Variants in SLC44A5 observed in about 807,000 individuals in gnomAD.
SLC44A5 encodes the protein choline transporter-like protein 5.
A neutral mutation model predicts 101.8 loss-of-function variants in SLC44A5; 57 were observed. That is an observed-to-expected ratio of 0.56 (90% CI 0.45 to 0.70). The LOEUF (loss-of-function observed/expected upper bound fraction) is 0.70. Ranked by LOEUF, SLC44A5 falls within the 30% of genes least tolerant of loss-of-function variation. The pLI is 0.00. For missense variants in SLC44A5, 737 were observed against 853.1 expected, an observed-to-expected ratio of 0.86 and a Z score of 1.70; for synonymous variants, 281 against 290.9, an observed-to-expected ratio of 0.97 and a Z score of 0.35.
intron 4 of SLC44A5, among the ~76,000 whole-genome samples, chr1:75,307,018 G>T (rs1182814957): frequency 1.3e-5 from 2 of 152,018 alleles, no homozygotes; most frequent in Non-Finnish European, 2.9e-5. Flanking sequence ...GATTACAAGC[G>T]TGAGCCACCG....
At chr1:75,268,640 C>G (rs1219133100) in intron 6 of SLC44A5, among the ~76,000 whole-genome samples, 2 of 152,054 alleles carry the variant, frequency 1.3e-5, no homozygotes, top group African/African-American at 4.8e-5. Context: ...TATATCCGTT[C>G]AGACTTTTTT....
chr1:75,649,948 G>T, the SLC44A5 span, among the ~76,000 whole-genome samples: 1 of 151,970 alleles, frequency 6.6e-6, no homozygotes, highest in Non-Finnish European at 1.5e-5. Flanking sequence ...CTTGATACTG[G>T]GTAATATCTC....
intron 2 of SLC44A5, among the ~76,000 whole-genome samples, chr1:75,458,561 C>T (rs1187595188): frequency 6.6e-6 from 1 of 151,876 alleles, no homozygotes; most frequent in Non-Finnish European, 1.5e-5. Context: ...AAGGTTGTTA[C>T]ATTACAGAAG....
intron 3 of SLC44A5, among the ~76,000 whole-genome samples, chr1:75,351,479 G>A (rs1387019169): frequency 6.6e-6 from 1 of 152,136 alleles, no homozygotes; most frequent in Non-Finnish European, 1.5e-5. Context: ...ACCTCAGAGA[G>A]AGGATTTATT....
At chr1:75,246,087 G>C (rs1649084092) in intron 7 of SLC44A5, among the ~76,000 whole-genome samples, 1 of 152,132 alleles carries the variant, frequency 6.6e-6, no homozygotes, top group Admixed American at 6.6e-5. Context: ...AGCTAATTCT[G>C]ACTCAGTTCT....
intron 2 of SLC44A5, among the ~76,000 whole-genome samples, chr1:75,488,585 C>CA (rs887985692): frequency 6.6e-6 from 1 of 152,092 alleles, no homozygotes; most frequent in Non-Finnish European, 1.5e-5. Flanking sequence ...TCCGGATTTT[C>CA]AAAAAATCAA....
At chr1:75,556,171 T>C (rs1178333528) in intron 1 of SLC44A5, among the ~76,000 whole-genome samples, 1 of 152,074 alleles carries the variant, frequency 6.6e-6, no homozygotes, top group Admixed American at 6.6e-5. Context: ...TGTGAAACTT[T>C]TTCTGACCCC....
chr1:75,675,971 G>C, the SLC44A5 span, among the ~76,000 whole-genome samples: 2 of 152,184 alleles, frequency 1.3e-5, no homozygotes, highest in Non-Finnish European at 2.9e-5. Flanking sequence ...CTGATCATTA[G>C]AGAAATGCAA....
chr1:75,469,727 C>T (rs1229989449), intron 2 of SLC44A5, among the ~76,000 whole-genome samples: 2 of 151,868 alleles, frequency 1.3e-5, no homozygotes, highest in African/African-American at 2.4e-5. Context: ...CATAGCAAGA[C>T]GCTGTCTGAA....
intron 1 of SLC44A5, among the ~76,000 whole-genome samples, chr1:75,599,287 C>T (rs927832099): frequency 4.6e-5 from 7 of 152,106 alleles, no homozygotes; most frequent in Admixed American, 1.3e-4. Context: ...TTCTAGACAA[C>T]TAGCTTGGAA....
At chr1:75,328,853 G>A (rs2657206) in intron 4 of SLC44A5, among the ~76,000 whole-genome samples, 65,143 of 151,918 alleles carry the variant, frequency 0.43, 14,983 homozygotes, top group East Asian at 0.82. Context: ...GCTGTGATCC[G>A]CATGAAAAAG....
the SLC44A5 span, among the ~76,000 whole-genome samples, chr1:75,619,080 G>GC: frequency 1.9e-4 from 11 of 58,798 alleles, no homozygotes; most frequent in Middle Eastern, 0.013. Context: ...CAAAAAAAAA[G>GC]GGGGGGGGGA....
At chr1:75,432,757 GA>G (rs985320142) in intron 2 of SLC44A5, among the ~76,000 whole-genome samples, 5 of 150,208 alleles carry the variant, frequency 3.3e-5, no homozygotes, top group Non-Finnish European at 5.9e-5. Context: ...CTGTTCACCT[GA>G]AAAAAAAATG....
At chr1:75,374,796 G>A (rs1660464283) in intron 3 of SLC44A5, among the ~76,000 whole-genome samples, 1 of 152,114 alleles carries the variant, frequency 6.6e-6, no homozygotes, top group Admixed American at 6.5e-5. Context: ...ACATAGAAAT[G>A]AAGCCAGTAC....
chr1:75,340,612 G>C (rs1326255212), intron 3 of SLC44A5, among the ~76,000 whole-genome samples: 1 of 152,160 alleles, frequency 6.6e-6, no homozygotes, highest in Non-Finnish European at 1.5e-5. Context: ...CTTTATCTGA[G>C]AACTGACCAT....
At chr1:75,443,496 G>T (rs1224409264) in intron 2 of SLC44A5, among the ~76,000 whole-genome samples, 1 of 151,974 alleles carries the variant, frequency 6.6e-6, no homozygotes, top group East Asian at 1.9e-4. Flanking sequence ...TTATAAAAAT[G>T]TATAAATTCA....
intron 22 of SLC44A5, among the ~76,000 whole-genome samples, chr1:75,211,890 C>G (rs1220898069): frequency 2.7e-5 from 4 of 145,934 alleles, no homozygotes; most frequent in Non-Finnish European, 4.5e-5. Context: ...TCCTTCCTTC[C>G]TTTCTCTCTC....
chr1:75,536,721 T>C (rs1180946048), intron 2 of SLC44A5, among the ~76,000 whole-genome samples: 1 of 147,796 alleles, frequency 6.8e-6, no homozygotes, highest in East Asian at 2.0e-4. Flanking sequence ...AAAGAAAATA[T>C]CTAGGCCGGG....
At chr1:75,565,356 A>C (rs1183225112) in intron 1 of SLC44A5, among the ~76,000 whole-genome samples, 3 of 152,264 alleles carry the variant, frequency 2.0e-5, no homozygotes, top group Admixed American at 2.0e-4. Context: ...TAGAGAGAAC[A>C]ATCAAGCTCT....
Sources: gnomAD v4.1 joint callset for allele counts (sites outside exome capture counted in the v4.1 genomes callset) on GRCh38, gnomAD v4.1.1 for gene constraint, MANE v1.5 for transcripts, NCBI Gene and HGNC (gene_info 2026-07-23, HGNC 2026-07-21) for gene names.